Variants in RUBCN observed in about 807,000 individuals in gnomAD.
The protein encoded by RUBCN is run domain Beclin-1-interacting and cysteine-rich domain-containing protein.
In RUBCN, 74 loss-of-function variants were observed where a neutral mutation model predicts 113.2. That is an observed-to-expected ratio of 0.65 (90% confidence interval 0.54 to 0.79). The LOEUF (loss-of-function observed/expected upper bound fraction) is 0.79. Among genes scored for constraint, RUBCN ranks in the 30% least tolerant of loss-of-function variants. The probability of loss-of-function intolerance (pLI) is 0.00; values close to 1 mark genes in which losing one functional copy is unlikely to be tolerated. For synonymous variants in RUBCN, 480 were observed against 490.0 expected, an observed-to-expected ratio of 0.98 and a Z score of 0.27; for missense variants, 1,109 against 1,251.7, an observed-to-expected ratio of 0.89 and a Z score of 1.72.
upstream of RUBCN, chr3:197,737,017 A>C (rs2109017271): frequency 1.6e-4 from 144 of 921,868 alleles, no homozygotes; most frequent in East Asian, 7.9e-4. Flanking sequence ...CGCCCCTCCA[A>C]CGGCAGGCCG....
In RUBCN at chr3:197,669,944, A is replaced by T. The variant is rs1394607271; in HGVS notation, c.*5074T>A. ...CACTCTGTTGCCCAGGGTGGAGTGCAGTGGCGTGATCTCGGCTCACTGCAA... is the reference window on the plus strand; with the variant it reads ...CACTCTGTTGCCCAGGGTGGAGTGCTGTGGCGTGATCTCGGCTCACTGCAA... On this transcript the variant is annotated 3_prime_UTR_variant, in exon 20 of 20. Coordinates refer to ENST00000296343, the MANE Select transcript of RUBCN (RefSeq NM_014687.4). 1.3e-5 allele frequency among the ~76,000 whole-genome samples: 2 copies of T among 152,190 alleles called. No individual in the cohort carries two copies. The highest frequency in any genetic ancestry group is 2.9e-5 in the Non-Finnish European group (2 of 68,030).
At position 197,681,379 on chromosome 3, in the gene RUBCN, G is replaced by A. The variant is rs202149321; in HGVS notation, c.2192-12C>T. On this transcript the variant is annotated splice_polypyrimidine_tract_variant and intron_variant, in intron 15 of 19. Coordinates refer to ENST00000296343, the MANE Select transcript of RUBCN (RefSeq NM_014687.4). The surrounding 1 kb of genome is among the most constrained non-coding windows in gnomAD (Gnocchi z 5.5). ...TCGCTTGATGTAATCTGGAAAAACCGGAAAGCCAGAAAGCCAGATGTAACT... is the reference window on the plus strand; with the variant it reads ...TCGCTTGATGTAATCTGGAAAAACCAGAAAGCCAGAAAGCCAGATGTAACT... The A allele has an allele frequency of 7.4e-5, 118 of 1,599,842 alleles. No homozygotes were observed. The highest frequency in any genetic ancestry group is 3.3e-4 in the Middle Eastern group (2 of 6,038).
chr3:197,731,410 G>A (rs967759567), intron 1 of RUBCN, among the ~76,000 whole-genome samples: 12 of 152,184 alleles, frequency 7.9e-5, no homozygotes, highest in Non-Finnish European at 1.6e-4. Flanking sequence ...ACACAGACAC[G>A]GCAACCATCC....
intron 1 of RUBCN, among the ~76,000 whole-genome samples, chr3:197,721,548 C>G (rs1169266757): frequency 6.6e-6 from 1 of 151,942 alleles, no homozygotes; most frequent in Non-Finnish European, 1.5e-5. Flanking sequence ...ACAAACAACT[C>G]TTTTGTTAAT....
upstream of RUBCN, chr3:197,749,810 G>C (rs1728932443): frequency 8.4e-6 from 4 of 477,860 alleles, no homozygotes; most frequent in Non-Finnish European, 1.5e-5. Context: ...TCGCCCGCGA[G>C]TGTCGGTGGC....
intron 1 of RUBCN, among the ~76,000 whole-genome samples, chr3:197,730,181 C>A (rs952683222): frequency 2.0e-5 from 3 of 152,066 alleles, no homozygotes; most frequent in South Asian, 2.1e-4. Context: ...GGTAAGAGAA[C>A]CCTGATTTTC....
intron 1 of RUBCN, 61 bp from the exon 2 acceptor site, chr3:197,718,191 A>G (rs1034567974): frequency 6.3e-7 from 1 of 1,599,650 alleles, no homozygotes. Context: ...TCCTGATCAT[A>G]TCAAAGAAAG....
In RUBCN at chr3:197,675,150, A is replaced by G. The variant is rs1170536833; in HGVS notation, c.2787T>C (p.Cys929=). 6.2e-7 allele frequency: 1 copy of G among 1,614,070 alleles called. No individual in the cohort carries two copies. The highest frequency in any genetic ancestry group is 1.1e-5 in the South Asian group (1 of 91,088). ...GGGCCTGCAGCCGCTCGCAGCGCGG[A>G]CAGCTTCCAGACTTGAAGCAGGCTT... ...YHKACFKSGS[C]PRCERLQARR... Residue 929 remains cysteine (C), a synonymous_variant, in exon 20 of 20, where the codon TGT becomes TGC. Coordinates refer to ENST00000296343, the MANE Select transcript of RUBCN (RefSeq NM_014687.4). The surrounding 1 kb of genome is among the most constrained non-coding windows in gnomAD (Gnocchi z 4.4).
intron 1 of RUBCN, among the ~76,000 whole-genome samples, chr3:197,720,447 G>A (rs762370884): frequency 3.3e-5 from 5 of 151,194 alleles, no homozygotes; most frequent in South Asian, 2.1e-4. Context: ...TCACTCTGTC[G>A]CCCAGGCTGG....
Position 197,684,174 on chromosome 3 carries a change from G to C in RUBCN, c.1830C>G (p.Phe610Leu), listed in dbSNP as rs531285000. The C allele has an allele frequency of 6.2e-7, 1 of 1,612,876 alleles. No homozygotes were observed. Among genetic ancestry groups the C allele is most frequent in the Admixed American group, 1.7e-5 (1 of 60,010 alleles). Residue 610 changes from phenylalanine to leucine, a missense_variant, in exon 12 of 20, where the codon TTC (phenylalanine) becomes TTG (leucine). Physicochemically the swap from Phe to Leu is conservative, Grantham distance 22. This residue lies in a region of RUBCN where 736 missense variants were observed against 779.6 expected (regional missense o/e 0.94). Transcript: ENST00000296343. ...RRNTASSSKS[F>L]VSSQSFSHCF... ...GTACTCACAAGGACTGGGAGGAAAC[G>C]AAGGATTTGCTGCTTGAGGCTGTGT... is the stretch of plus-strand genomic sequence containing the variant.
chr3:197,735,170 G>A (rs558189808), intron 1 of RUBCN, among the ~76,000 whole-genome samples: 1 of 152,240 alleles, frequency 6.6e-6, no homozygotes, highest in Non-Finnish European at 1.5e-5. Context: ...CGTGGCGGGG[G>A]AGAATTGCTT....
chr3:197,688,187 C>T (rs370107485), intron 11 of RUBCN, among the ~76,000 whole-genome samples: 1 of 152,134 alleles, frequency 6.6e-6, no homozygotes, highest in African/African-American at 2.4e-5. Flanking sequence ...CCACCACACC[C>T]GACTAATTTT....
intron 2 of RUBCN, among the ~76,000 whole-genome samples, chr3:197,717,269 C>T (rs1226102138): frequency 6.6e-6 from 1 of 151,920 alleles, no homozygotes; most frequent in Non-Finnish European, 1.5e-5. Flanking sequence ...CGGTGAAACC[C>T]CGTCTCTACT....
chr3:197,719,690 G>C (rs1213544229), intron 1 of RUBCN, among the ~76,000 whole-genome samples: 1 of 152,026 alleles, frequency 6.6e-6, no homozygotes, highest in Admixed American at 6.6e-5. Flanking sequence ...AGCTACAAAA[G>C]AATGTGGCTT....
chr3:197,720,523 T>C (rs1421538579), intron 1 of RUBCN, among the ~76,000 whole-genome samples: 3 of 152,094 alleles, frequency 2.0e-5, no homozygotes, highest in Non-Finnish European at 4.4e-5. Context: ...TTCTCCTGCC[T>C]CAGCCTCCCG....
rs116059682 is a variant in RUBCN, at chr3:197,733,633, G to C, written c.65+3022C>G. Among the ~76,000 whole-genome samples the C allele has an allele frequency of 3.1e-3, 477 of 152,290 alleles. 3 individuals are homozygous for C. The highest frequency in any genetic ancestry group is 0.011 in the African/African-American group (464 of 41,552). On this transcript the variant is annotated intron_variant, in intron 1 of 19. Coordinates refer to ENST00000296343, the MANE Select transcript of RUBCN (RefSeq NM_014687.4). ...AGGCACAAGGAATGTGTATTTACCA[G>C]TTGTGTATCTGGAGCTAAGGAGGCC...
At chr3:197,692,618 A>G (rs1722547469) in intron 11 of RUBCN, among the ~76,000 whole-genome samples, 1 of 152,108 alleles carries the variant, frequency 6.6e-6, no homozygotes, top group Admixed American at 6.6e-5. Context: ...AGCTGATGGT[A>G]GAGAATTGGA....
chr3:197,715,996 G>A (rs1404762770), intron 2 of RUBCN, among the ~76,000 whole-genome samples: 7 of 151,942 alleles, frequency 4.6e-5, no homozygotes, highest in South Asian at 2.1e-4. Context: ...GGAAAGAGAC[G>A]TTGATTCTAA....
chr3:197,729,883 A>T (rs1727220568), intron 1 of RUBCN, among the ~76,000 whole-genome samples: 2 of 152,036 alleles, frequency 1.3e-5, no homozygotes, highest in Admixed American at 1.3e-4. Context: ...CCTGAGTAAA[A>T]TATTATAGTA....
Sources: gnomAD v4.1 joint callset for allele counts (sites outside exome capture counted in the v4.1 genomes callset) on GRCh38, gnomAD v4.1.1 for gene constraint, gnomAD v4.1.1 regional missense constraint, Gnocchi (gnomAD v3.1) non-coding constraint, MANE v1.5 for transcripts, NCBI Gene and HGNC (gene_info 2026-07-23, HGNC 2026-07-21) for gene names.